Variants in RARA observed in about 807,000 individuals in gnomAD.
The protein encoded by RARA is retinoic acid receptor alpha.
Under a neutral mutation model 42.8 loss-of-function variants are expected in RARA, and 5 were observed. That is an observed-to-expected ratio of 0.12 (90% CI 0.06 to 0.25). The LOEUF is 0.25. Ranked by LOEUF, RARA falls within the 10% of genes least tolerant of loss-of-function variation. RARA has a pLI of 1.00. For missense variants in RARA, 402 were observed against 628.7 expected, an observed-to-expected ratio of 0.64 and a Z score of 3.86; for synonymous variants, 256 against 259.5, an observed-to-expected ratio of 0.99 and a Z score of 0.13.
intron 2 of RARA, among the ~76,000 whole-genome samples, chr17:40,343,606 G>T (rs1023917042): frequency 6.6e-6 from 1 of 152,152 alleles, no homozygotes; most frequent in African/African-American, 2.4e-5. Context: ...ATCCTAATCC[G>T]GTTTGTTCTC....
rs112628583 is a variant in RARA at position 40,349,970 on chromosome 17, C to T, written c.469+45C>T. The T allele has an allele frequency of 1.9e-6, 3 of 1,605,666 alleles. No individual in the cohort carries two copies. The South Asian group carries it at 3.3e-5, about 18-fold the overall frequency. ...GGCCGAGTCCCGCCTCAGTTGGGGT[C>T]TCAGATGCTCCTAAAGACCAAGGGA... is the stretch of plus-strand genomic sequence containing the variant. On this transcript the variant is annotated intron_variant, in intron 4 of 8. Coordinates refer to ENST00000254066, the MANE Select transcript of RARA (RefSeq NM_000964.4).
At chr17:40,338,856 G>C (rs2033938745) in intron 2 of RARA, among the ~76,000 whole-genome samples, 2 of 151,534 alleles carry the variant, frequency 1.3e-5, no homozygotes, top group South Asian at 2.1e-4. Flanking sequence ...CATCTCTACA[G>C]AATATACCAA....
At chr17:40,330,492 C>T (rs1408591480) in intron 1 of RARA, among the ~76,000 whole-genome samples, 2 of 152,144 alleles carry the variant, frequency 1.3e-5, no homozygotes, top group Non-Finnish European at 2.9e-5. Flanking sequence ...CCCCCCAGCA[C>T]ACGTTCTCTG....
At chr17:40,314,813 G>A (rs562993934) in intron 1 of RARA, among the ~76,000 whole-genome samples, 23 of 151,692 alleles carry the variant, frequency 1.5e-4, no homozygotes, top group Admixed American at 1.4e-3. Context: ...CATCTCCCCC[G>A]GATGCAGCTG....
chr17:40,352,113 C>T lies in RARA; in HGVS notation c.630+43C>T, dbSNP rs1193310428. Reference sequence around the variant, plus strand: ...CCTGCAGGGTGGGATTTGCCCAGGGCCACAGGGCCAGGATGGGCCCCTCTC... The same window carrying T: ...CCTGCAGGGTGGGATTTGCCCAGGGTCACAGGGCCAGGATGGGCCCCTCTC... On this transcript the variant is annotated intron_variant, in intron 5 of 8. Transcript: ENST00000254066. The surrounding 1 kb of genome is among the most constrained non-coding windows in gnomAD (Gnocchi z 4.9). The T allele has an allele frequency of 6.6e-7, 1 of 1,507,208 alleles. No individual in the cohort carries two copies. Among genetic ancestry groups the T allele is most frequent in the Non-Finnish European group, 8.8e-7 (1 of 1,132,482 alleles). 93.4% of individuals were successfully genotyped at this position (1,507,208 alleles called of 1,614,324 possible).
chr17:40,338,335 T>C (rs1328584921), intron 2 of RARA, among the ~76,000 whole-genome samples: 3 of 152,176 alleles, frequency 2.0e-5, no homozygotes, highest in Non-Finnish European at 4.4e-5. Context: ...CAGCGAGGGA[T>C]TGGGCCTCCC....
At position 40,351,797 on chromosome 17, in the gene RARA, G is replaced by T; in HGVS notation, c.470-113G>T. 1 of 1,402,676 alleles carries T rather than the reference G, an allele frequency of 7.1e-7. No homozygotes were observed. 86.9% of individuals were successfully genotyped at this position (1,402,676 alleles called of 1,614,324 possible). A position where few individuals can be genotyped will look rare whatever the true frequency, so the allele number is the denominator to read the frequency against. Reference sequence around the variant, plus strand: ...CCGTGAACGCGTGCTGTGTGCGCGTGCTTACAAGCCTGGGTGACCTCCTCA... The same window carrying T: ...CCGTGAACGCGTGCTGTGTGCGCGTTCTTACAAGCCTGGGTGACCTCCTCA... On this transcript the variant is annotated intron_variant, in intron 4 of 8. Coordinates refer to ENST00000254066, the MANE Select transcript of RARA (RefSeq NM_000964.4). The surrounding 1 kb of genome is among the most constrained non-coding windows in gnomAD (Gnocchi z 4.1).
rs1295317860 is a variant in RARA, at chr17:40,345,122, C to G, written c.179-3194C>G. 1 of 153,712 alleles carries G rather than the reference C, an allele frequency of 6.5e-6. No homozygotes were observed. Among genetic ancestry groups the G allele is most frequent in the African/African-American group, 2.4e-5 (1 of 41,456 alleles). The allele number at this position is 153,712 out of a possible 1,614,324, so 9.5% of individuals were successfully genotyped here. On this transcript the variant is annotated intron_variant, in intron 2 of 8. Coordinates refer to ENST00000254066, the MANE Select transcript of RARA (RefSeq NM_000964.4). This position sits in a 1 kb window ranked among gnomAD's most constrained non-coding sequence, Gnocchi z 4.8. ...AAGGGGGGTGCACAGGATGTGGCTC[C>G]CCATCTGTCTCCCACCAATCTCCGC...
At chr17:40,340,773 G>A (rs1400547022) in intron 2 of RARA, 12 of 399,060 alleles carry the variant, frequency 3.0e-5, no homozygotes, top group South Asian at 1.4e-4. Context: ...GGTCTACAAG[G>A]GCAGGTTCCC....
rs778223961 is a variant in RARA, at chr17:40,355,239, CAG to C, written c.1013-23_1013-22del. 6.3e-5 allele frequency: 97 copies of C among 1,549,622 alleles called. No individual in the cohort carries two copies. Among genetic ancestry groups the C allele is most frequent in the Admixed American group, 3.7e-4 (19 of 51,182 alleles). ...GGGTGCAGCTGTGTTCCCAGCTGCT[CAG>C]GGGGTGGTTCTGCTTCCTCAGACCG... On this transcript the variant is annotated intron_variant, in intron 7 of 8. Coordinates refer to ENST00000254066, the MANE Select transcript of RARA (RefSeq NM_000964.4). This position sits in a 1 kb window ranked among gnomAD's most constrained non-coding sequence, Gnocchi z 4.1.
intron 6 of RARA, among the ~76,000 whole-genome samples, chr17:40,353,750 G>T (rs968723378): frequency 1.3e-5 from 2 of 152,214 alleles, no homozygotes; most frequent in Non-Finnish European, 2.9e-5. Context: ...TCTGAATGTT[G>T]AGGCGGGTGA....
chr17:40,316,621 G>A (rs571655650), intron 1 of RARA, among the ~76,000 whole-genome samples: 2 of 152,370 alleles, frequency 1.3e-5, no homozygotes, highest in Non-Finnish European at 2.9e-5. Context: ...GGGCGGGCTG[G>A]CGCTGACTCC....
At chr17:40,325,468 CCT>C (rs2033516389) in intron 1 of RARA, among the ~76,000 whole-genome samples, 1 of 152,006 alleles carries the variant, frequency 6.6e-6, no homozygotes, top group African/African-American at 2.4e-5. Context: ...CTCCCCAACC[CCT>C]GTCTGCAGAT....
At chr17:40,341,882 CCCT>C in intron 2 of RARA, 6 of 1,023,558 alleles carry the variant, frequency 5.9e-6, no homozygotes, top group Non-Finnish European at 7.6e-6. Context: ...CCTCGCAGCC[CCCT>C]CCTCTCCCTG....
intron 3 of RARA, 146 bp downstream of exon 3, chr17:40,348,610 C>T (rs956385115): frequency 2.4e-5 from 25 of 1,063,136 alleles, no homozygotes; most frequent in African/African-American, 1.0e-4. Context: ...AGCAGGGACA[C>T]CTACCACAGT....
Position 40,357,442 on chromosome 17 carries a change from C to T in RARA, c.*1216C>T, listed in dbSNP as rs1214749012. On this transcript the variant is annotated 3_prime_UTR_variant, in exon 9 of 9. Coordinates refer to ENST00000254066, the MANE Select transcript of RARA (RefSeq NM_000964.4). ...CCCCACCCCCAACCTGTCCCACCCCCGTGCCCCCTCCTTACCCCGCAGGAC... is the reference window on the plus strand; with the variant it reads ...CCCCACCCCCAACCTGTCCCACCCCTGTGCCCCCTCCTTACCCCGCAGGAC... 1.3e-5 allele frequency: 3 copies of T among 232,582 alleles called. No individual in the cohort carries two copies. Among genetic ancestry groups the T allele is most frequent in the East Asian group, 6.1e-5 (1 of 16,512 alleles). 14.4% of individuals were successfully genotyped at this position (232,582 alleles called of 1,614,324 possible).
intron 2 of RARA, among the ~76,000 whole-genome samples, chr17:40,336,389 CATTT>C (rs201202993): frequency 0.011 from 1,720 of 150,378 alleles, 36 homozygotes; most frequent in African/African-American, 0.04. Context: ...GACATTTATT[CATTT>C]ATTTATTTAT....
intron 1 of RARA, among the ~76,000 whole-genome samples, chr17:40,315,948 C>T (rs2033205063): frequency 6.6e-6 from 1 of 152,194 alleles, no homozygotes. Flanking sequence ...CTGCTGCTCC[C>T]TGGGTACCCT....
In RARA at chr17:40,356,440, C is replaced by A; in HGVS notation, c.*214C>A. 1.4e-6 allele frequency: 1 copy of A among 716,092 alleles called. No homozygotes were observed. The allele number at this position is 716,092 out of a possible 1,614,324, so 44.4% of individuals were successfully genotyped here. On this transcript the variant is annotated 3_prime_UTR_variant, in exon 9 of 9. Coordinates refer to ENST00000254066, the MANE Select transcript of RARA (RefSeq NM_000964.4). ...TGCCTGCTCCCACAGCCTGGGCTGA[C>A]GTCAGAGGCCGAGGCCAGGAACTGA...
Sources: gnomAD v4.1 joint callset for allele counts (sites outside exome capture counted in the v4.1 genomes callset) on GRCh38, gnomAD v4.1.1 for gene constraint, Gnocchi (gnomAD v3.1) non-coding constraint, MANE v1.5 for transcripts, NCBI Gene and HGNC (gene_info 2026-07-23, HGNC 2026-07-21) for gene names.